Variants in SUPT3H observed in about 807,000 individuals in gnomAD.
SUPT3H encodes the protein transcription initiation protein SPT3 homolog.
Under a neutral mutation model 44.3 loss-of-function variants are expected in SUPT3H, and 44 were observed. That is an observed-to-expected ratio of 0.99 (90% CI 0.78 to 1.28). SUPT3H has a LOEUF of 1.28. Among genes scored for constraint, SUPT3H ranks in the 50% most tolerant of loss-of-function variants. The probability of loss-of-function intolerance (pLI) is 0.00; values close to 1 mark genes in which losing one functional copy is unlikely to be tolerated. For synonymous variants in SUPT3H, 124 were observed against 125.6 expected, an observed-to-expected ratio of 0.99 and a Z score of 0.09; for missense variants, 380 against 387.1, an observed-to-expected ratio of 0.98 and a Z score of 0.15.
At chr6:45,048,491 C>A (rs1329130056) in intron 3 of SUPT3H, among the ~76,000 whole-genome samples, 2 of 152,066 alleles carry the variant, frequency 1.3e-5, no homozygotes, top group Non-Finnish European at 2.9e-5. Flanking sequence ...ATCCAGTTGT[C>A]TCAACACCAT....
chr6:45,255,669 C>T (rs771570534), intron 2 of SUPT3H, among the ~76,000 whole-genome samples: 11 of 151,976 alleles, frequency 7.2e-5, no homozygotes, highest in African/African-American at 1.5e-4. Flanking sequence ...GTGATCCTCC[C>T]GCATCACCCT....
chr6:45,274,046 T>C (rs1484926437), intron 2 of SUPT3H, among the ~76,000 whole-genome samples: 4 of 152,254 alleles, frequency 2.6e-5, no homozygotes, highest in African/African-American at 9.6e-5. Flanking sequence ...TGCCAATAGC[T>C]AATGACATTG....
At chr6:44,915,158 G>C (rs1436288306) in intron 10 of SUPT3H, among the ~76,000 whole-genome samples, 1 of 152,156 alleles carries the variant, frequency 6.6e-6, no homozygotes, top group Non-Finnish European at 1.5e-5. Context: ...GAATGCATGA[G>C]AAATACTGCT....
intron 3 of SUPT3H, among the ~76,000 whole-genome samples, chr6:45,058,005 A>G (rs1791401991): frequency 6.6e-6 from 1 of 152,228 alleles, no homozygotes; most frequent in Non-Finnish European, 1.5e-5. Context: ...AATGCCAATT[A>G]GAGAGTGATA....
chr6:45,212,481 A>ATGTGTGTGTGTG (rs11269206), intron 2 of SUPT3H, among the ~76,000 whole-genome samples: 66 of 43,414 alleles, frequency 1.5e-3, no homozygotes, highest in South Asian at 5.2e-3. Flanking sequence ...CACCTCCACT[A>ATGTGTGTGTGTG]TGTGTGTGTG....
intron 4 of SUPT3H, among the ~76,000 whole-genome samples, chr6:45,016,015 T>A (rs559638706): frequency 6.6e-6 from 1 of 152,236 alleles, no homozygotes; most frequent in Admixed American, 6.6e-5. Flanking sequence ...AATAGTACAC[T>A]CTAAAATAAT....
chr6:45,371,912 G>A, intron 1 of SUPT3H: 3 of 894,030 alleles, frequency 3.4e-6, no homozygotes, highest in Non-Finnish European at 4.0e-6. Flanking sequence ...GTCCAGAGGG[G>A]TTTCTTGAAC....
chr6:45,039,005 T>C (rs1043305453), intron 3 of SUPT3H, among the ~76,000 whole-genome samples: 4 of 152,200 alleles, frequency 2.6e-5, no homozygotes, highest in African/African-American at 9.6e-5. Flanking sequence ...TTAAGGTGTA[T>C]TTTTAAATTA....
chr6:45,030,897 T>C (rs528501312), intron 3 of SUPT3H, among the ~76,000 whole-genome samples: 2 of 152,204 alleles, frequency 1.3e-5, no homozygotes, highest in Non-Finnish European at 2.9e-5. Context: ...GGATCTGCTA[T>C]GAAACTCGGT....
intron 6 of SUPT3H, among the ~76,000 whole-genome samples, chr6:44,966,364 A>G (rs1003030585): frequency 6.6e-6 from 1 of 150,932 alleles, no homozygotes; most frequent in Non-Finnish European, 1.5e-5. Context: ...AATGAAACTA[A>G]TAAAACTGCT....
intron 10 of SUPT3H, among the ~76,000 whole-genome samples, chr6:44,870,339 G>T (rs1776164884): frequency 6.6e-6 from 1 of 152,178 alleles, no homozygotes; most frequent in African/African-American, 2.4e-5. Flanking sequence ...GTTCATGCCT[G>T]TAATCCCAGC....
intron 3 of SUPT3H, among the ~76,000 whole-genome samples, chr6:45,066,306 G>A (rs1252721616): frequency 1.2e-4 from 18 of 151,116 alleles, no homozygotes; most frequent in South Asian, 4.2e-4. Context: ...TTGATGGGAC[G>A]TATTTCAAAA....
intron 2 of SUPT3H, among the ~76,000 whole-genome samples, chr6:45,294,764 C>G (rs938343858): frequency 2.6e-5 from 1 of 37,800 alleles, no homozygotes; most frequent in Admixed American, 3.1e-4. Context: ...AAAAAAAAAA[C>G]AACTTAGGAA....
At chr6:45,103,086 G>A (rs1212468246) in intron 3 of SUPT3H, among the ~76,000 whole-genome samples, 3 of 152,106 alleles carry the variant, frequency 2.0e-5, no homozygotes, top group African/African-American at 7.2e-5. Context: ...GATATTCCAT[G>A]GTAAAAAAGG....
chr6:45,130,712 C>CCTT (rs1358503809), intron 2 of SUPT3H, among the ~76,000 whole-genome samples: 1 of 88,602 alleles, frequency 1.1e-5, no homozygotes, highest in Non-Finnish European at 2.2e-5. Context: ...AAAAAAACCA[C>CCTT]TTTTTTTTTT....
intron 2 of SUPT3H, among the ~76,000 whole-genome samples, chr6:45,254,586 C>T (rs1271228911): frequency 6.6e-6 from 1 of 152,124 alleles, no homozygotes; most frequent in Non-Finnish European, 1.5e-5. Flanking sequence ...AATAAAATTA[C>T]AGAAGAGAGC....
chr6:45,111,804 C>T (rs1284977), intron 2 of SUPT3H, among the ~76,000 whole-genome samples: 4,478 of 152,102 alleles, frequency 0.029, 92 homozygotes, highest in Non-Finnish European at 0.047. Context: ...CCCCCCACCC[C>T]CACTCAGGGA....
chr6:44,967,411 T>G (rs1313010196), intron 6 of SUPT3H, among the ~76,000 whole-genome samples: 1 of 152,264 alleles, frequency 6.6e-6, no homozygotes, highest in African/African-American at 2.4e-5. Flanking sequence ...CCTAGTATAA[T>G]TTGTTTGTTC....
At chr6:44,987,250 C>A (rs1779940689) in intron 6 of SUPT3H, among the ~76,000 whole-genome samples, 1 of 138,046 alleles carries the variant, frequency 7.2e-6, no homozygotes, top group Non-Finnish European at 1.5e-5. Context: ...AATACCATCA[C>A]ACTGGGCATT....
Sources: gnomAD v4.1 joint callset for allele counts (sites outside exome capture counted in the v4.1 genomes callset) on GRCh38, gnomAD v4.1.1 for gene constraint, MANE v1.5 for transcripts, NCBI Gene and HGNC (gene_info 2026-07-23, HGNC 2026-07-21) for gene names.